MAST4: variants seen among roughly 807,000 people sequenced by gnomAD.
The protein encoded by MAST4 is microtubule-associated serine/threonine-protein kinase 4.
In MAST4, 89 loss-of-function variants were observed where a neutral mutation model predicts 162.7. The ratio of observed to expected loss-of-function variants is 0.55; its 90% CI spans 0.46 to 0.65. The LOEUF is 0.65. MAST4 is among the 30% of genes least tolerant of loss of function. MAST4 has a pLI of 0.00. For missense variants in MAST4, 3,153 were observed against 3,374.0 expected (o/e 0.93, Z 1.62); for synonymous variants, 1,479 against 1,361.1 (o/e 1.09, Z -1.91).
Position 66,727,617 on chromosome 5 carries a change from TG to T in MAST4, c.364-32090del, listed in dbSNP as rs540631692. Among the ~76,000 whole-genome samples the T allele has an allele frequency of 1.5e-3, 226 of 152,316 alleles. 7 individuals carry two copies. The South Asian group carries it at 0.044, about 30-fold the overall frequency. On this transcript the variant is annotated intron_variant, in intron 1 of 28. Transcript: ENST00000403625. ...CTTCTTGAGCCAACTGATGGCCACATGGTGAGACAGTTAAAGAGCTGCACAC... is the reference window on the plus strand; with the variant it reads ...CTTCTTGAGCCAACTGATGGCCACATGTGAGACAGTTAAAGAGCTGCACAC...
chr5:66,865,095 T>C (rs1419383191), intron 3 of MAST4, among the ~76,000 whole-genome samples: 1 of 152,198 alleles, frequency 6.6e-6, no homozygotes, highest in Non-Finnish European at 1.5e-5. Context: ...TTAGAGCCAC[T>C]GGGTAGATGG....
intron 4 of MAST4, among the ~76,000 whole-genome samples, chr5:67,026,968 C>A (rs1754725243): frequency 6.6e-6 from 1 of 151,862 alleles, no homozygotes; most frequent in Non-Finnish European, 1.5e-5. Context: ...TTGTAAAAAT[C>A]CAAATATATC....
At chr5:66,722,223 AT>A (rs916136219) in intron 1 of MAST4, among the ~76,000 whole-genome samples, 4 of 151,678 alleles carry the variant, frequency 2.6e-5, no homozygotes, top group African/African-American at 9.7e-5. Context: ...ACCAACTCCT[AT>A]TTTTTGTCCC....
intron 3 of MAST4, among the ~76,000 whole-genome samples, chr5:66,840,190 T>A (rs1027905544): frequency 1.1e-4 from 17 of 152,080 alleles, no homozygotes; most frequent in Non-Finnish European, 2.4e-4. Flanking sequence ...AAAATGAAAA[T>A]TTTTTAGCTT....
At chr5:66,899,406 A>C (rs1762871283) in intron 3 of MAST4, among the ~76,000 whole-genome samples, 1 of 152,224 alleles carries the variant, frequency 6.6e-6, no homozygotes, top group Admixed American at 6.5e-5. Flanking sequence ...TATCCCAAGG[A>C]ATAAATGGAT....
Position 66,597,037 on chromosome 5 carries a change from T to C in MAST4, c.363+19T>C. On this transcript the variant is annotated intron_variant, in intron 1 of 28. Transcript: ENST00000403625. ...CGAGGAGGTGGGCCTTTCCCCAGCT[T>C]GCCCACTCTGGGTTCCGGCAGCCGG... 7.1e-7 allele frequency: 1 copy of C among 1,412,416 alleles called. No homozygotes were observed. Among genetic ancestry groups the C allele is most frequent in the Non-Finnish European group, 9.2e-7 (1 of 1,091,464 alleles). 87.5% of individuals were successfully genotyped at this position (1,412,416 alleles called of 1,614,324 possible). A position where few individuals can be genotyped will look rare whatever the true frequency, so the allele number is the denominator to read the frequency against.
intron 4 of MAST4, among the ~76,000 whole-genome samples, chr5:66,906,531 T>A (rs927750334): frequency 4.6e-5 from 7 of 152,204 alleles, no homozygotes; most frequent in African/African-American, 1.7e-4. Context: ...GCAAAGGGGA[T>A]TTCCATCTTA....
chr5:66,654,086 G>A (rs1047782491), intron 1 of MAST4, among the ~76,000 whole-genome samples: 3 of 152,162 alleles, frequency 2.0e-5, no homozygotes, highest in Non-Finnish European at 4.4e-5. Context: ...GATTAGGGAA[G>A]GAAGCAGACA....
At chr5:66,732,010 C>A (rs188679028) in intron 1 of MAST4, among the ~76,000 whole-genome samples, 1 of 152,090 alleles carries the variant, frequency 6.6e-6, no homozygotes, top group East Asian at 2.0e-4. Context: ...GTTCTCCCTT[C>A]CTGTGATACC....
intron 4 of MAST4, among the ~76,000 whole-genome samples, chr5:67,028,710 G>A (rs1421308314): frequency 1.3e-5 from 2 of 152,170 alleles, no homozygotes; most frequent in Admixed American, 6.6e-5. Flanking sequence ...AGCAAGACAC[G>A]TTGGATGAAG....
intron 1 of MAST4, among the ~76,000 whole-genome samples, chr5:66,624,907 A>C (rs1292553518): frequency 6.6e-6 from 1 of 152,252 alleles, no homozygotes; most frequent in Non-Finnish European, 1.5e-5. Flanking sequence ...TAAAACTCCT[A>C]GAAGAAAACA....
At chr5:66,756,452 C>T (rs1179001015) in intron 1 of MAST4, among the ~76,000 whole-genome samples, 1 of 152,156 alleles carries the variant, frequency 6.6e-6, no homozygotes, top group Admixed American at 6.5e-5. Context: ...GCTTAGATGC[C>T]CTTGAACATC....
intron 27 of MAST4, among the ~76,000 whole-genome samples, 158 bp from the exon 28 acceptor site, chr5:67,162,449 A>T (rs1773299991): frequency 6.6e-6 from 1 of 152,190 alleles, no homozygotes; most frequent in Admixed American, 6.5e-5. Context: ...TGTCATAAGA[A>T]GGTTTCTAAT....
At chr5:66,684,007 G>A (rs1026941800) in intron 1 of MAST4, among the ~76,000 whole-genome samples, 4 of 152,184 alleles carry the variant, frequency 2.6e-5, no homozygotes, top group African/African-American at 4.8e-5. Flanking sequence ...CACATGAGTC[G>A]TGTGTTTTTC....
intron 1 of MAST4, among the ~76,000 whole-genome samples, chr5:66,713,196 C>T (rs1335906701): frequency 3.3e-5 from 5 of 152,112 alleles, no homozygotes; most frequent in Admixed American, 2.6e-4. Context: ...TAATGGTTCT[C>T]CTTGTACCAT....
chr5:67,155,038 T>A (rs1772318464), intron 26 of MAST4, among the ~76,000 whole-genome samples: 1 of 152,218 alleles, frequency 6.6e-6, no homozygotes, highest in South Asian at 2.1e-4. Context: ...CATGGCAGTC[T>A]TAGAGAAAGG....
At chr5:66,700,713 A>C (rs1749709035) in intron 1 of MAST4, among the ~76,000 whole-genome samples, 1 of 151,772 alleles carries the variant, frequency 6.6e-6, no homozygotes, top group Non-Finnish European at 1.5e-5. Context: ...AAAACAAAAA[A>C]AACAACAACT....
At chr5:66,704,653 A>G (rs1750012473) in intron 1 of MAST4, among the ~76,000 whole-genome samples, 1 of 151,706 alleles carries the variant, frequency 6.6e-6, no homozygotes, top group Admixed American at 6.6e-5. Flanking sequence ...GGCGCTTGCC[A>G]CCATGCTTGG....
At chr5:66,832,083 G>A (rs1420896771) in intron 3 of MAST4, among the ~76,000 whole-genome samples, 1 of 152,006 alleles carries the variant, frequency 6.6e-6, no homozygotes, top group Non-Finnish European at 1.5e-5. Flanking sequence ...AATAGGCATC[G>A]TAAGGCAGGC....
Sources: allele counts gnomAD v4.1 joint callset (sites outside exome capture counted in the v4.1 genomes callset), GRCh38; gene constraint gnomAD v4.1.1; transcripts MANE v1.5; gene names NCBI Gene and HGNC (gene_info 2026-07-23, HGNC 2026-07-21).